PIK3C2B: variants seen among roughly 807,000 people sequenced by gnomAD.
PIK3C2B encodes phosphatidylinositol 4-phosphate 3-kinase C2 domain-containing subunit beta.
A neutral mutation model predicts 184.3 loss-of-function variants in PIK3C2B; 83 were observed. The observed-to-expected ratio is 0.45, with a 90% CI of 0.38 to 0.54. The LOEUF is 0.54. Ranked by LOEUF, PIK3C2B falls within the 20% of genes least tolerant of loss-of-function variation. The pLI is 0.00. For missense variants in PIK3C2B, 1,736 were observed against 2,113.5 expected (o/e 0.82, Z 3.50); for synonymous variants, 779 against 837.6 (o/e 0.93, Z 1.21).
chr1:204,450,350 T>C (rs985151770), intron 12 of PIK3C2B, among the ~76,000 whole-genome samples: 4 of 152,180 alleles, frequency 2.6e-5, no homozygotes, highest in African/African-American at 9.7e-5. Context: ...ACGTCCCATG[T>C]TGTCAGCCTT....
At chr1:204,444,577 C>T (rs1189512607) in intron 16 of PIK3C2B, among the ~76,000 whole-genome samples, 153 bp from the exon 17 acceptor site, 1 of 152,238 alleles carries the variant, frequency 6.6e-6, no homozygotes, top group African/African-American at 2.4e-5. Flanking sequence ...TCCTTAGCAA[C>T]TTCCCTGGAT....
At chr1:204,460,520 T>C (rs780267074) in intron 6 of PIK3C2B, 30 bp downstream of exon 6, 1 of 1,589,102 alleles carries the variant, frequency 6.3e-7, no homozygotes, top group South Asian at 1.1e-5. Context: ...TCCCCAGCCC[T>C]GGGCAACCCT....
At position 204,423,391 on chromosome 1, in the gene PIK3C2B, T is replaced by C. The variant is rs1244114459; in HGVS notation, c.*1461A>G. ...TGAACCCGGGAGGCAGATTTTGCAG[T>C]GAGTCGAGATCATGCCACTACACTC... On this transcript the variant is annotated 3_prime_UTR_variant, in exon 33 of 33. Coordinates refer to ENST00000684373, the MANE Select transcript of PIK3C2B (RefSeq NM_001377334.1). 6.8e-6 allele frequency: 1 copy of C among 147,384 alleles called. No homozygotes were observed. The highest frequency in any genetic ancestry group is 2.0e-4 in the East Asian group (1 of 4,974). 9.1% of individuals were successfully genotyped at this position (147,384 alleles called of 1,614,324 possible).
chr1:204,489,856 C>T lies in PIK3C2B; in HGVS notation c.-85+4500G>A, dbSNP rs17847751. On this transcript the variant is annotated intron_variant, in intron 1 of 32. Transcript: ENST00000684373. ...GGCAAGGCAAACTGTAGTTTTTCCT[C>T]AAAATGGAATCCTTTTGGCCCTCTA... 1.0e-3 allele frequency: 404 copies of T among 397,798 alleles called. 12 individuals carry two copies. The East Asian group carries it at 0.014, about 14-fold the overall frequency. 24.6% of individuals were successfully genotyped at this position (397,798 alleles called of 1,614,324 possible). A position where few individuals can be genotyped will look rare whatever the true frequency, so the allele number is the denominator to read the frequency against.
chr1:204,485,158 C>T (rs1313621889), intron 1 of PIK3C2B, among the ~76,000 whole-genome samples: 1 of 151,966 alleles, frequency 6.6e-6, no homozygotes, highest in Non-Finnish European at 1.5e-5. Context: ...AAGCAATCCT[C>T]CCACCCCGGT....
In PIK3C2B at chr1:204,477,563, G is replaced by A. The variant is rs568544693; in HGVS notation, c.-84-7677C>T. Among the ~76,000 whole-genome samples, 31 of 152,320 alleles carry A rather than the reference G, an allele frequency of 2.0e-4. No individual in the cohort carries two copies. In the South Asian group the frequency reaches 5.6e-3, roughly 27 times the overall value. ...CACAATGGTTCAGAGTCAAAGGATG[G>A]AAAGAAAGGAGAGGGCACTCCCTCC... On this transcript the variant is annotated intron_variant, in intron 1 of 32. Coordinates refer to ENST00000684373, the MANE Select transcript of PIK3C2B (RefSeq NM_001377334.1).
chr1:204,464,223 G>A (rs12039776), intron 4 of PIK3C2B, 91 bp from the exon 5 acceptor site: 2 of 1,446,166 alleles, frequency 1.4e-6, no homozygotes, highest in Non-Finnish European at 1.9e-6. Flanking sequence ...TTCCAGCTAA[G>A]TATTCTCCAG....
At chr1:204,444,259 G>A (rs1653653681) in intron 17 of PIK3C2B, 72 bp downstream of exon 17, 1 of 1,462,900 alleles carries the variant, frequency 6.8e-7, no homozygotes, top group Admixed American at 1.7e-5. Context: ...GTTTCTAAGG[G>A]GCAGAATGCA....
chr1:204,465,963 G>A (rs868699744), intron 2 of PIK3C2B, among the ~76,000 whole-genome samples: 43 of 152,346 alleles, frequency 2.8e-4, no homozygotes, highest in Middle Eastern at 3.4e-3. Flanking sequence ...GAGTCAGCCG[G>A]CTCTGAACGG....
At chr1:204,468,837 A>C in intron 2 of PIK3C2B, 33 bp downstream of exon 2, 5 of 1,523,840 alleles carry the variant, frequency 3.3e-6, no homozygotes, top group Non-Finnish European at 4.4e-6. Context: ...ACATGGAGAA[A>C]GGAAGGCAGA....
chr1:204,439,638 C>A (rs9662447), intron 22 of PIK3C2B, among the ~76,000 whole-genome samples: 15,848 of 151,784 alleles, frequency 0.1, 1,105 homozygotes, highest in East Asian at 0.23. Context: ...CTCTCTCTCT[C>A]TATATATATA....
chr1:204,440,538 G>A (rs986882703), intron 21 of PIK3C2B, among the ~76,000 whole-genome samples: 9 of 150,030 alleles, frequency 6.0e-5, no homozygotes, highest in Admixed American at 6.0e-4. Flanking sequence ...CAATCCCATG[G>A]CCCCATCTGA....
Position 204,444,373 on chromosome 1 carries a change from G to A in PIK3C2B, c.2730C>T (p.Leu910=), listed in dbSNP as rs1386816765. The A allele has an allele frequency of 1.9e-6, 3 of 1,613,912 alleles. No individual in the cohort carries two copies. Among genetic ancestry groups the A allele is most frequent in the African/African-American group, 1.3e-5 (1 of 74,890 alleles). ...GGTAGTCTAGCAGCTCAGCATCTGA[G>A]AGTGAGCCAATCCACTGCACAGCCA... ...RRMAVQWIGS[L]SDAELLDYLP... Residue 910 remains leucine, a synonymous_variant, in exon 17 of 33, where the codon CTC becomes CTT. Transcript: ENST00000684373.
intron 1 of PIK3C2B, among the ~76,000 whole-genome samples, chr1:204,474,926 T>TC (rs1656599640): frequency 6.7e-6 from 1 of 149,310 alleles, no homozygotes. Flanking sequence ...CATCCTAGAG[T>TC]CCCCCTTCCT....
intron 29 of PIK3C2B, among the ~76,000 whole-genome samples, chr1:204,429,426 C>T (rs1333581476): frequency 6.6e-6 from 1 of 152,128 alleles, no homozygotes; most frequent in African/African-American, 2.4e-5. Context: ...CAGAGTTATA[C>T]TTAAGCTATA....
intron 5 of PIK3C2B, among the ~76,000 whole-genome samples, chr1:204,462,432 A>C (rs1655411868): frequency 6.6e-6 from 1 of 152,202 alleles, no homozygotes; most frequent in Non-Finnish European, 1.5e-5. Context: ...CCTGAGCATC[A>C]ATCAGCCTTC....
intron 5 of PIK3C2B, among the ~76,000 whole-genome samples, chr1:204,462,837 C>T (rs61761700): frequency 0.046 from 6,990 of 152,096 alleles, 535 homozygotes; most frequent in African/African-American, 0.16. Context: ...GCAGATCACC[C>T]GAGGTCAGGA....
rs764636123 is a variant in PIK3C2B at position 204,432,256 on chromosome 1, T to C, written c.4099A>G (p.Ile1367Val). The change falls in exon 27 of 33, where the codon ATC becomes GTC. Residue 1367 changes from isoleucine (I) to valine (V), a missense_variant. Ile to Val is a conservative substitution (Grantham distance 29, BLOSUM62 3). Around this residue, in one of 8 missense-constraint regions of PIK3C2B, gnomAD observed 200 missense variants for 199.1 expected, o/e 1.00. Transcript: ENST00000684373. ...TGGCGGCAGAGGAAAACATCACTGA[T>C]TCGGCCAGAGCTCTTGAGAGTGTGT... ...RTHTLKSSGR[I>V]SDVFLCRHEK... 3.7e-6 allele frequency: 6 copies of C among 1,613,978 alleles called. No homozygotes were observed. The highest frequency in any genetic ancestry group is 1.3e-5 in the African/African-American group (1 of 74,900).
intron 1 of PIK3C2B, among the ~76,000 whole-genome samples, chr1:204,492,841 G>C (rs774385304): frequency 2.6e-5 from 4 of 152,202 alleles, no homozygotes; most frequent in Non-Finnish European, 5.9e-5. Context: ...TCAGAGCCAT[G>C]GCAATCAAAC....
Sources: gnomAD v4.1 joint callset for allele counts (sites outside exome capture counted in the v4.1 genomes callset) on GRCh38, gnomAD v4.1.1 for gene constraint, gnomAD v4.1.1 regional missense constraint, MANE v1.5 for transcripts, NCBI Gene and HGNC (gene_info 2026-07-23, HGNC 2026-07-21) for gene names.